CCSER1: variants seen among roughly 807,000 people sequenced by gnomAD.
CCSER1 encodes the protein coiled-coil serine rich protein 1.
A neutral mutation model predicts 82.0 loss-of-function variants in CCSER1; 41 were observed. That is an observed-to-expected ratio of 0.50 (90% confidence interval 0.39 to 0.65). CCSER1 has a LOEUF of 0.65. CCSER1 is among the 30% of genes least tolerant of loss of function. CCSER1 has a pLI of 0.00. For missense variants in CCSER1, 1,119 were observed against 1,064.2 expected, an observed-to-expected ratio of 1.05 and a Z score of -0.72; for synonymous variants, 414 against 383.9, an observed-to-expected ratio of 1.08 and a Z score of -0.92.
chr4:90,965,537 A>C (rs1315824783), intron 9 of CCSER1, among the ~76,000 whole-genome samples: 1 of 152,178 alleles, frequency 6.6e-6, no homozygotes, highest in Non-Finnish European at 1.5e-5. Context: ...TGGCCAATAC[A>C]TTCAAGATAA....
At chr4:91,117,107 A>C (rs923427431) in intron 10 of CCSER1, among the ~76,000 whole-genome samples, 1 of 152,254 alleles carries the variant, frequency 6.6e-6, no homozygotes, top group African/African-American at 2.4e-5. Flanking sequence ...TACAAAGCTA[A>C]ACAGAAACAA....
intron 8 of CCSER1, among the ~76,000 whole-genome samples, chr4:90,828,936 G>C (rs1431762461): frequency 1.3e-5 from 2 of 152,128 alleles, no homozygotes; most frequent in Non-Finnish European, 2.9e-5. Flanking sequence ...GAAAGACTGT[G>C]AGTTTAGGTA....
At chr4:90,281,837 A>G (rs1178157853) in intron 1 of CCSER1, among the ~76,000 whole-genome samples, 1 of 152,068 alleles carries the variant, frequency 6.6e-6, no homozygotes, top group Non-Finnish European at 1.5e-5. Context: ...CATGAGCAAA[A>G]TTGTGTTAAC....
chr4:90,361,283 A>G (rs1745326141), intron 3 of CCSER1, among the ~76,000 whole-genome samples: 1 of 152,208 alleles, frequency 6.6e-6, no homozygotes, highest in Admixed American at 6.5e-5. Flanking sequence ...ATTAGCAACT[A>G]TTGTGAGTGG....
intron 7 of CCSER1, among the ~76,000 whole-genome samples, chr4:90,797,240 C>G (rs1222084021): frequency 6.6e-6 from 1 of 152,016 alleles, no homozygotes; most frequent in Non-Finnish European, 1.5e-5. Flanking sequence ...TATGTATTGT[C>G]CTTGTCTTTT....
chr4:90,566,626 G>T (rs1200760242), intron 5 of CCSER1, among the ~76,000 whole-genome samples: 1 of 146,854 alleles, frequency 6.8e-6, no homozygotes, highest in East Asian at 2.0e-4. Flanking sequence ...TTTTTAAGAC[G>T]GAGTCTCGCT....
intron 6 of CCSER1, among the ~76,000 whole-genome samples, chr4:90,710,033 TG>T (rs1740247927): frequency 6.6e-6 from 1 of 151,884 alleles, no homozygotes; most frequent in Non-Finnish European, 1.5e-5. Context: ...ATTTCTCTAG[TG>T]ATCAGTGATG....
intron 10 of CCSER1, among the ~76,000 whole-genome samples, chr4:91,541,242 G>T (rs6841246): frequency 0.68 from 103,306 of 151,990 alleles, 35,745 homozygotes; most frequent in African/African-American, 0.82. Flanking sequence ...TCTTTTTTAA[G>T]TATACTTTTA....
At position 91,428,968 on chromosome 4, in the gene CCSER1, T is replaced by A. The variant is rs184114370; in HGVS notation, c.2218-169604T>A. Among the ~76,000 whole-genome samples, 299 of 152,112 alleles carry A rather than the reference T, an allele frequency of 2.0e-3. 3 individuals carry two copies. The highest frequency in any genetic ancestry group is 7.0e-3 in the African/African-American group (289 of 41,538). On this transcript the variant is annotated intron_variant, in intron 10 of 10. Transcript: ENST00000509176. ...CTGCAGGTTTCTGAGGTCTTCCTTA[T>A]GCTTATCAATTATGAAAAGATTAAA... is the stretch of plus-strand genomic sequence containing the variant.
Position 90,485,525 on chromosome 4 carries a change from C to T in CCSER1, c.1724+17171C>T, listed in dbSNP as rs963155637. 7.9e-5 allele frequency among the ~76,000 whole-genome samples: 12 copies of T among 151,114 alleles called. No homozygotes were observed. In the South Asian group the frequency reaches 8.4e-4, roughly 11 times the overall value. On this transcript the variant is annotated intron_variant, in intron 5 of 10. Transcript: ENST00000509176. ...TTCGGCCATCTTGGCTCCACCCCCC[C>T]CCCCCAATTTAACTTTTATTTAAAG...
At chr4:91,085,436 C>T (rs1433815887) in intron 9 of CCSER1, among the ~76,000 whole-genome samples, 2 of 152,024 alleles carry the variant, frequency 1.3e-5, no homozygotes, top group East Asian at 1.9e-4. Flanking sequence ...GTGGATCCTT[C>T]TTTTATATTG....
intron 10 of CCSER1, among the ~76,000 whole-genome samples, chr4:91,391,870 C>T (rs963697654): frequency 2.6e-5 from 4 of 151,996 alleles, no homozygotes; most frequent in African/African-American, 4.8e-5. Flanking sequence ...ATTTTTCAAC[C>T]TCTAAGATCA....
chr4:91,444,979 T>C (rs1035879069), intron 10 of CCSER1, among the ~76,000 whole-genome samples: 1 of 152,216 alleles, frequency 6.6e-6, no homozygotes, highest in Non-Finnish European at 1.5e-5. Context: ...ATCCTGCTAT[T>C]ACAGGAAAGA....
At chr4:91,521,110 C>T (rs2110140534) in intron 10 of CCSER1, among the ~76,000 whole-genome samples, 1 of 152,260 alleles carries the variant, frequency 6.6e-6, no homozygotes, top group South Asian at 2.1e-4. Flanking sequence ...GTTCACTTCC[C>T]ACTTATGAGT....
rs1735583902 is a variant in CCSER1 at position 90,313,064 on chromosome 4, G to A, written c.1509+17G>A. The A allele has an allele frequency of 6.4e-7, 1 of 1,562,176 alleles. No individual in the cohort carries two copies. Among genetic ancestry groups the A allele is most frequent in the East Asian group, 2.3e-5 (1 of 43,884 alleles). On this transcript the variant is annotated intron_variant, in intron 3 of 10. Transcript: ENST00000509176. ...AACAGTTTGGTAAGTATATACATAT[G>A]TCTGCCTCTAATAAAATAATGCTGT...
intron 10 of CCSER1, among the ~76,000 whole-genome samples, chr4:91,377,463 C>G (rs531527669): frequency 6.6e-6 from 1 of 152,170 alleles, no homozygotes; most frequent in African/African-American, 2.4e-5. Flanking sequence ...GAGATGGTAT[C>G]TCATTGTGGT....
intron 9 of CCSER1, among the ~76,000 whole-genome samples, chr4:90,941,343 T>G (rs1012045545): frequency 2.6e-5 from 4 of 152,240 alleles, no homozygotes; most frequent in Non-Finnish European, 5.9e-5. Context: ...TTTAAATGAT[T>G]TTTTAATGAA....
Position 90,242,272 on chromosome 4 carries a change from A to G in CCSER1, c.-41-65972A>G, listed in dbSNP as rs28688076. Among the ~76,000 whole-genome samples the G allele has an allele frequency of 6.8e-3, 1,036 of 152,340 alleles. 8 individuals are homozygous for G. Among genetic ancestry groups the G allele is most frequent in the African/African-American group, 0.024 (1,001 of 41,580 alleles). ...CAGTGAGCCGAGATTGTGCCAGTGC[A>G]CTCTAGCCTGGGCTACAGAGCAAGA... On this transcript the variant is annotated intron_variant, in intron 1 of 10. Coordinates refer to ENST00000509176, the MANE Select transcript of CCSER1 (RefSeq NM_001145065.2).
intron 8 of CCSER1, among the ~76,000 whole-genome samples, chr4:90,842,907 A>G (rs1409351700): frequency 6.6e-6 from 1 of 152,132 alleles, no homozygotes; most frequent in African/African-American, 2.4e-5. Context: ...TCATGTTTGT[A>G]GTCAATACTC....
Sources: gnomAD v4.1 joint callset for allele counts (sites outside exome capture counted in the v4.1 genomes callset) on GRCh38, gnomAD v4.1.1 for gene constraint, MANE v1.5 for transcripts, NCBI Gene and HGNC (gene_info 2026-07-23, HGNC 2026-07-21) for gene names.